EPHA3: variants seen among roughly 807,000 people sequenced by gnomAD.
EPHA3 encodes the protein ephrin type-A receptor 3.
In EPHA3, 42 loss-of-function variants were observed where a neutral mutation model predicts 107.1. The ratio of observed to expected loss-of-function variants is 0.39; its 90% CI spans 0.31 to 0.51. EPHA3 has a LOEUF of 0.51. Ranked by LOEUF, EPHA3 falls within the 20% of genes least tolerant of loss-of-function variation. EPHA3 has a pLI of 0.78. For missense variants in EPHA3, 1,183 were observed against 1,211.2 expected (o/e 0.98, Z 0.35); for synonymous variants, 461 against 424.8 (o/e 1.09, Z -1.05).
At chr3:89,363,036 A>G (rs527923113) in intron 5 of EPHA3, among the ~76,000 whole-genome samples, 1 of 150,984 alleles carries the variant, frequency 6.6e-6, no homozygotes, top group African/African-American at 2.4e-5. Flanking sequence ...ATTTCATCTT[A>G]TATAAAGCTA....
chr3:89,146,688 T>A (rs529418363), intron 2 of EPHA3, among the ~76,000 whole-genome samples: 1 of 152,138 alleles, frequency 6.6e-6, no homozygotes, highest in African/African-American at 2.4e-5. Flanking sequence ...TGCAATTGCT[T>A]TTGGTGTTTT....
At chr3:89,217,265 A>G (rs371614220) in intron 3 of EPHA3, among the ~76,000 whole-genome samples, 7 of 152,198 alleles carry the variant, frequency 4.6e-5, no homozygotes, top group South Asian at 2.1e-4. Flanking sequence ...AAATAATCAC[A>G]TAACTAGAAA....
At chr3:89,474,763 A>G (rs1172271626) in intron 16 of EPHA3, among the ~76,000 whole-genome samples, 3 of 152,238 alleles carry the variant, frequency 2.0e-5, no homozygotes, top group African/African-American at 4.8e-5. Context: ...GAATGACAGC[A>G]TTTGTCATAC....
intron 3 of EPHA3, among the ~76,000 whole-genome samples, chr3:89,276,987 T>C (rs1175339027): frequency 6.6e-6 from 1 of 152,122 alleles, no homozygotes; most frequent in Admixed American, 6.6e-5. Flanking sequence ...TCATGATTAA[T>C]TGCATGAATA....
chr3:89,277,272 A>T (rs1257506731), intron 3 of EPHA3, among the ~76,000 whole-genome samples: 1 of 152,154 alleles, frequency 6.6e-6, no homozygotes, highest in African/African-American at 2.4e-5. Context: ...TGGGAGAAAT[A>T]TACGTTTAAA....
chr3:89,340,914 A>T lies in EPHA3; in HGVS notation c.815-2A>T, dbSNP rs1355876486. ...TTTAAAAGAGAGTCATTTTGTTTGT[A>T]GCTTGTCGACCAGGTTTCTACAAGG... On this transcript the variant is annotated splice_acceptor_variant, in intron 3 of 16. Coordinates refer to ENST00000336596, the MANE Select transcript of EPHA3 (RefSeq NM_005233.6). LOFTEE classifies it high-confidence loss of function. 6.3e-7 allele frequency: 1 copy of T among 1,598,636 alleles called. No individual in the cohort carries two copies.
At chr3:89,334,536 G>C (rs1465213396) in intron 3 of EPHA3, among the ~76,000 whole-genome samples, 1 of 152,162 alleles carries the variant, frequency 6.6e-6, no homozygotes, top group Non-Finnish European at 1.5e-5. Flanking sequence ...GTTAACATCT[G>C]TCATTTTTTA....
chr3:89,396,412 G>A (rs1208164157), intron 6 of EPHA3, among the ~76,000 whole-genome samples: 1 of 152,018 alleles, frequency 6.6e-6, no homozygotes, highest in Non-Finnish European at 1.5e-5. Context: ...TTTAACTGAT[G>A]ATGAAAAGAT....
chr3:89,191,479 T>G (rs879867525), intron 2 of EPHA3, among the ~76,000 whole-genome samples: 6 of 152,004 alleles, frequency 3.9e-5, no homozygotes, highest in Non-Finnish European at 7.4e-5. Context: ...GCTAATTTTT[T>G]GTATTTTTAG....
At chr3:89,173,548 T>C (rs1192592312) in intron 2 of EPHA3, among the ~76,000 whole-genome samples, 1 of 152,070 alleles carries the variant, frequency 6.6e-6, no homozygotes, top group Non-Finnish European at 1.5e-5. Context: ...ACAAGTACAA[T>C]GTGTATACTT....
chr3:89,181,027 A>G (rs1232660473), intron 2 of EPHA3, among the ~76,000 whole-genome samples: 1 of 151,968 alleles, frequency 6.6e-6, no homozygotes, highest in Admixed American at 6.6e-5. Context: ...ATGAAAATTT[A>G]TTTTCATAGT....
intron 1 of EPHA3, among the ~76,000 whole-genome samples, chr3:89,120,132 TTAA>T (rs1422267223): frequency 6.6e-6 from 1 of 152,202 alleles, no homozygotes; most frequent in Non-Finnish European, 1.5e-5. Flanking sequence ...GCTATTTCCC[TTAA>T]TGACTATTTG....
rs762801053 is a variant in EPHA3 at position 89,407,347 on chromosome 3, T to C, written c.1673T>C (p.Val558Ala). ...SAAVAIILLT[V>A]VIYVLIGRFC... Reference sequence around the variant, plus strand: ...GCAGTAGCAATTATTCTCCTCACTGTTGTCATCTATGTTTTGATTGGGAGG... The same window carrying C: ...GCAGTAGCAATTATTCTCCTCACTGCTGTCATCTATGTTTTGATTGGGAGG... The change falls in exon 8 of 17, where the codon GTT (valine) becomes GCT (alanine). Residue 558 changes from valine (V) to alanine (A), a missense_variant. By Grantham distance (64) the Val-to-Ala change is moderately conservative. Coordinates refer to ENST00000336596, the MANE Select transcript of EPHA3 (RefSeq NM_005233.6). 6.2e-7 allele frequency: 1 copy of C among 1,613,544 alleles called. No individual in the cohort carries two copies.
chr3:89,112,208 T>G (rs2106941422), intron 1 of EPHA3, among the ~76,000 whole-genome samples: 1 of 152,162 alleles, frequency 6.6e-6, no homozygotes, highest in East Asian at 1.9e-4. Context: ...ATACAAAAAT[T>G]TAAAACAAAA....
At chr3:89,180,754 T>C (rs1705426107) in intron 2 of EPHA3, among the ~76,000 whole-genome samples, 1 of 152,000 alleles carries the variant, frequency 6.6e-6, no homozygotes, top group Admixed American at 6.6e-5. Flanking sequence ...AAAATAGACT[T>C]GTTTCCATGA....
intron 3 of EPHA3, among the ~76,000 whole-genome samples, chr3:89,283,202 G>A (rs556086298): frequency 6.6e-5 from 10 of 152,228 alleles, no homozygotes; most frequent in Admixed American, 3.9e-4. Flanking sequence ...CAACAGCAAA[G>A]TGAAAAAAGT....
At chr3:89,156,916 C>T (rs1704820421) in intron 2 of EPHA3, among the ~76,000 whole-genome samples, 1 of 151,448 alleles carries the variant, frequency 6.6e-6, no homozygotes, top group Non-Finnish European at 1.5e-5. Flanking sequence ...CTAAGGGCAG[C>T]CAGATGGCCT....
At chr3:89,396,940 T>C (rs982068891) in intron 6 of EPHA3, among the ~76,000 whole-genome samples, 3 of 152,192 alleles carry the variant, frequency 2.0e-5, no homozygotes, top group Non-Finnish European at 4.4e-5. Flanking sequence ...CACAGCCTCA[T>C]TGCTAATAAA....
At chr3:89,113,830 AG>A (rs1707183687) in intron 1 of EPHA3, among the ~76,000 whole-genome samples, 2 of 152,128 alleles carry the variant, frequency 1.3e-5, no homozygotes, top group Non-Finnish European at 2.9e-5. Context: ...AAGTTTTAAG[AG>A]TGACAGCCAA....
Sources: allele counts gnomAD v4.1 joint callset (sites outside exome capture counted in the v4.1 genomes callset), GRCh38; gene constraint gnomAD v4.1.1; transcripts MANE v1.5; gene names NCBI Gene and HGNC (gene_info 2026-07-23, HGNC 2026-07-21).